CTNNA2: variants seen among roughly 807,000 people sequenced by gnomAD.
CTNNA2 encodes the protein catenin alpha-2.
CTNNA2 carries 42 observed loss-of-function variants against 101.0 expected under a neutral mutation model. That is an observed-to-expected ratio of 0.42 (90% CI 0.32 to 0.54). The LOEUF is 0.54. Ranked by LOEUF, CTNNA2 falls within the 20% of genes least tolerant of loss-of-function variation. The pLI, the probability that CTNNA2 is intolerant of heterozygous loss-of-function variation, is 0.14. For synonymous variants in CTNNA2, 450 were observed against 456.4 expected (o/e 0.99, Z 0.18); for missense variants, 871 against 1,223.1 (o/e 0.71, Z 4.29).
intron 7 of CTNNA2, among the ~76,000 whole-genome samples, chr2:80,091,743 G>A (rs1246451387): frequency 6.6e-6 from 1 of 151,998 alleles, no homozygotes; most frequent in Non-Finnish European, 1.5e-5. Flanking sequence ...TAGAAAAAAT[G>A]GAGCACGAAA....
intron 7 of CTNNA2, among the ~76,000 whole-genome samples, chr2:80,263,318 T>A (rs2149126726): frequency 6.6e-6 from 1 of 152,212 alleles, no homozygotes; most frequent in Admixed American, 6.5e-5. Context: ...GAGACAAAAT[T>A]TTGTGAAGTG....
At chr2:79,735,663 A>C (rs2104943030) in intron 2 of CTNNA2, among the ~76,000 whole-genome samples, 1 of 152,346 alleles carries the variant, frequency 6.6e-6, no homozygotes, top group African/African-American at 2.4e-5. Context: ...ATAATTAATA[A>C]GTATAATACG....
rs571363264 is a variant in CTNNA2 at position 79,845,256 on chromosome 2, G to A, written c.299-12757G>A. ...GTTGTTCTGCAGGTGATTCTTGTTA[G>A]TGGGTCTTTCAGAACCATCAAGCTG... On this transcript the variant is annotated intron_variant, in intron 3 of 18. Transcript: ENST00000402739. 1.4e-5 allele frequency among the ~76,000 whole-genome samples: 2 copies of A among 147,956 alleles called. 1 individual carries two copies. Among genetic ancestry groups the A allele is most frequent in the African/African-American group, 5.0e-5 (2 of 39,724 alleles).
chr2:80,080,891 A>G (rs1362506482), intron 7 of CTNNA2, among the ~76,000 whole-genome samples: 1 of 145,942 alleles, frequency 6.9e-6, no homozygotes, highest in Non-Finnish European at 1.5e-5. Context: ...ACAGCAGTCT[A>G]GTTGTGAAAT....
intron 7 of CTNNA2, among the ~76,000 whole-genome samples, chr2:80,211,155 A>G (rs1025232093): frequency 1.3e-4 from 20 of 152,140 alleles, no homozygotes; most frequent in Non-Finnish European, 1.3e-4. Context: ...ATTTTCTCCC[A>G]TTGTGTAGGT....
chr2:80,322,037 A>G (rs1027506830), intron 7 of CTNNA2, among the ~76,000 whole-genome samples: 1 of 152,162 alleles, frequency 6.6e-6, no homozygotes, highest in African/African-American at 2.4e-5. Context: ...ATCATTTTAA[A>G]TGTGGGTGTA....
intron 18 of CTNNA2, among the ~76,000 whole-genome samples, chr2:80,646,960 T>C (rs965006829): frequency 1.3e-5 from 2 of 152,152 alleles, no homozygotes; most frequent in Non-Finnish European, 2.9e-5. Context: ...TTTCTCATAA[T>C]AGTATTTGGC....
intron 3 of CTNNA2, among the ~76,000 whole-genome samples, chr2:79,787,378 A>C (rs1674927405): frequency 6.6e-6 from 1 of 151,332 alleles, no homozygotes; most frequent in African/African-American, 2.4e-5. Flanking sequence ...TGTAATACAT[A>C]ATGCAGAAGA....
intron 1 of CTNNA2, 99 bp from the exon 2 acceptor site, chr2:79,651,453 G>A: frequency 8.9e-7 from 1 of 1,128,204 alleles, no homozygotes; most frequent in Non-Finnish European, 1.3e-6. Context: ...CTATCTTCCA[G>A]TATGTTCTAA....
chr2:80,024,088 GAAAAA>G (rs1158051768), intron 7 of CTNNA2, among the ~76,000 whole-genome samples: 1 of 54,734 alleles, frequency 1.8e-5, no homozygotes, highest in Non-Finnish European at 3.9e-5. Context: ...CTCCGTCTCA[GAAAAA>G]AAAAAAAAAA....
intron 1 of CTNNA2, among the ~76,000 whole-genome samples, chr2:79,616,837 A>G (rs1183735739): frequency 6.6e-6 from 1 of 151,822 alleles, no homozygotes; most frequent in African/African-American, 2.4e-5. Context: ...GCAACCATTA[A>G]TCCTTGTCTT....
chr2:80,638,001 A>C (rs185055165), intron 18 of CTNNA2, among the ~76,000 whole-genome samples: 24 of 152,234 alleles, frequency 1.6e-4, no homozygotes, highest in Admixed American at 8.5e-4. Context: ...TCATTTAGTG[A>C]CTTTGATCCA....
At chr2:79,982,314 T>A (rs1347402421) in intron 7 of CTNNA2, among the ~76,000 whole-genome samples, 6 of 135,154 alleles carry the variant, frequency 4.4e-5, no homozygotes, top group East Asian at 4.1e-4. Flanking sequence ...AAAACATATA[T>A]AACATATATA....
chr2:80,539,468 C>A (rs1691354143), intron 9 of CTNNA2, among the ~76,000 whole-genome samples: 1 of 151,374 alleles, frequency 6.6e-6, no homozygotes, highest in Non-Finnish European at 1.5e-5. Flanking sequence ...GCTAAACAGG[C>A]AATCGTAAAA....
intron 9 of CTNNA2, among the ~76,000 whole-genome samples, chr2:80,473,615 T>C (rs1290288226): frequency 6.6e-6 from 1 of 152,194 alleles, no homozygotes; most frequent in African/African-American, 2.4e-5. Context: ...CAGTGAAAGC[T>C]CCAGACTCTG....
chr2:80,450,600 G>T (rs552972081), intron 9 of CTNNA2, among the ~76,000 whole-genome samples: 12 of 152,182 alleles, frequency 7.9e-5, no homozygotes, highest in African/African-American at 2.9e-4. Flanking sequence ...TCTTGTGTTA[G>T]TGTCTCTTCT....
intron 2 of CTNNA2, among the ~76,000 whole-genome samples, chr2:79,731,784 T>A (rs1485406173): frequency 6.6e-6 from 1 of 151,994 alleles, no homozygotes. Flanking sequence ...GCCCTTAATG[T>A]GCTCTCAAGT....
chr2:79,690,720 G>T lies in CTNNA2; in HGVS notation c.102+39062G>T, dbSNP rs566653917. On this transcript the variant is annotated intron_variant, in intron 2 of 18. Coordinates refer to ENST00000402739, the MANE Select transcript of CTNNA2 (RefSeq NM_001282597.3). ...GCCCAAGTTCACACAGAGAACAGGT[G>T]GTGGAGCGAGGATTTACACCCAGGC... Among the ~76,000 whole-genome samples, 4 of 152,064 alleles carry T rather than the reference G, an allele frequency of 2.6e-5. No individual in the cohort carries two copies. In the East Asian group the frequency reaches 7.8e-4, roughly 29 times the overall value.
rs1477994115 is a variant in CTNNA2 at position 80,574,320 on chromosome 2, T to C, written c.1893+6T>C. 1.9e-6 allele frequency: 3 copies of C among 1,606,994 alleles called. No homozygotes were observed. The highest frequency in any genetic ancestry group is 4.5e-5 in the East Asian group (2 of 44,696). On this transcript the variant is annotated splice_donor_region_variant and intron_variant, in intron 13 of 18. Coordinates refer to ENST00000402739, the MANE Select transcript of CTNNA2 (RefSeq NM_001282597.3). The stretch of plus-strand genomic sequence containing the variant: ...AGGCTGTGCTGATGATCAGGGTATG[T>C]GAGGCCTCTGTAGCTCAGAGCTGGT...
Sources: gnomAD v4.1 joint callset for allele counts (sites outside exome capture counted in the v4.1 genomes callset) on GRCh38, gnomAD v4.1.1 for gene constraint, MANE v1.5 for transcripts, NCBI Gene and HGNC (gene_info 2026-07-23, HGNC 2026-07-21) for gene names.